Variants in PRR20G observed in about 807,000 individuals in gnomAD.
The protein encoded by PRR20G is proline-rich protein 20G.
chr3:127,284,877 A>G (rs1357892252), intron 2 of PRR20G, among the ~76,000 whole-genome samples: 1 of 152,202 alleles, frequency 6.6e-6, no homozygotes, highest in Non-Finnish European at 1.5e-5. Flanking sequence ...GTCAGATATT[A>G]TGATTGCCAT....
In PRR20G at chr3:127,283,961, G is replaced by A. The variant is rs538336006; in HGVS notation, c.*99C>T. On this transcript the variant is annotated 3_prime_UTR_variant, in exon 3 of 3. Coordinates refer to ENST00000465482, the MANE Select transcript of PRR20G (RefSeq NM_001362810.2). Reference sequence around the variant, plus strand: ...CAAAGTAAGGGCTCTGACTGGGATGGGCAGGGAGGAGTGGAGCAGAAATGG... The same window carrying A: ...CAAAGTAAGGGCTCTGACTGGGATGAGCAGGGAGGAGTGGAGCAGAAATGG... 2.7e-3 allele frequency: 410 copies of A among 152,488 alleles called. 1 individual carries two copies. The highest frequency in any genetic ancestry group is 4.7e-3 in the Non-Finnish European group (320 of 68,162). 9.4% of individuals were successfully genotyped at this position (152,488 alleles called of 1,614,324 possible).
chr3:127,287,205 T>C (rs1360014923), intron 2 of PRR20G, among the ~76,000 whole-genome samples, 109 bp downstream of exon 2: 3 of 152,218 alleles, frequency 2.0e-5, no homozygotes, highest in African/African-American at 7.2e-5. Context: ...CATGGGCTGC[T>C]GCATTTCATA....
intron 2 of PRR20G, among the ~76,000 whole-genome samples, 115 bp downstream of exon 2, chr3:127,287,199 G>GAGATGAGAAGGA (rs1356036914): frequency 2.0e-5 from 3 of 152,182 alleles, no homozygotes; most frequent in Non-Finnish European, 4.4e-5. Context: ...AAGGAGCATG[G>GAGATGAGAAGGA]GCTGCTGCAT....
chr3:127,284,947 A>G (rs2080380309), intron 2 of PRR20G, among the ~76,000 whole-genome samples: 1 of 152,216 alleles, frequency 6.6e-6, no homozygotes, highest in Non-Finnish European at 1.5e-5. Flanking sequence ...AATAAAAATG[A>G]CACACTGCCT....
At chr3:127,285,895 T>C (rs2080384765) in intron 2 of PRR20G, among the ~76,000 whole-genome samples, 1 of 152,062 alleles carries the variant, frequency 6.6e-6, no homozygotes, top group African/African-American at 2.4e-5. Flanking sequence ...CCCAGAGAGA[T>C]AGAAGGAATT....
intron 1 of PRR20G, among the ~76,000 whole-genome samples, 86 bp from the exon 2 acceptor site, chr3:127,287,458 C>T (rs2080392841): frequency 6.6e-6 from 1 of 152,124 alleles, no homozygotes; most frequent in Non-Finnish European, 1.5e-5. Flanking sequence ...GCGATGCGGA[C>T]CCCACCTCAC....
Position 127,284,578 on chromosome 3 carries a change from G to C in PRR20G, c.115C>G (p.Pro39Ala), listed in dbSNP as rs1293569514. 6.4e-6 allele frequency: 1 copy of C among 156,680 alleles called. No individual in the cohort carries two copies. Among genetic ancestry groups the C allele is most frequent in the East Asian group, 1.9e-4 (1 of 5,270 alleles). The allele number at this position is 156,680 out of a possible 1,614,324, so 9.7% of individuals were successfully genotyped here. ...GCAGTGGGTTTTGCCGGTTGGACTG[G>C]GTCTACAGGGTCTTCACGGTCCACA... Reference protein sequence around the residue: ...SGVDREDPVDPVQPAKPTAYV... With the variant: ...SGVDREDPVDAVQPAKPTAYV... Residue 39 changes from proline to alanine, a missense_variant, in exon 3 of 3, where the codon CCA (proline) becomes GCA (alanine). By Grantham distance (27) the Pro-to-Ala change is conservative. Transcript: ENST00000465482.
rs1265193795 is a variant in PRR20G at position 127,283,930 on chromosome 3, A to G, written c.*130T>C. Among the ~76,000 whole-genome samples, 1 of 152,168 alleles carries G rather than the reference A, an allele frequency of 6.6e-6. No individual in the cohort carries two copies. The highest frequency in any genetic ancestry group is 1.5e-5 in the Non-Finnish European group (1 of 68,026). Reference sequence around the variant, plus strand: ...TGGGAGGAGGACTTGGAGGCTCATGACAACACAAAGTAAGGGCTCTGACTG... The same window carrying G: ...TGGGAGGAGGACTTGGAGGCTCATGGCAACACAAAGTAAGGGCTCTGACTG... On this transcript the variant is annotated 3_prime_UTR_variant, in exon 3 of 3. Coordinates refer to ENST00000465482, the MANE Select transcript of PRR20G (RefSeq NM_001362810.2).
rs2080395885 is a variant in PRR20G, at chr3:127,288,009, C to G, written c.-138G>C. 6.6e-6 allele frequency among the ~76,000 whole-genome samples: 1 copy of G among 152,132 alleles called. No homozygotes were observed. The highest frequency in any genetic ancestry group is 2.4e-5 in the African/African-American group (1 of 41,430). ...CTACCAGGCAGGTAGGAGGGAGCAC[C>G]CAGCAGTCCTAGTTCGGAGCCCGGC... On this transcript the variant is annotated 5_prime_UTR_variant, in exon 1 of 3. Transcript: ENST00000465482.
chr3:127,286,274 T>C (rs2080386909), intron 2 of PRR20G, among the ~76,000 whole-genome samples: 1 of 152,146 alleles, frequency 6.6e-6, no homozygotes, highest in Non-Finnish European at 1.5e-5. Context: ...AGCAATTAAA[T>C]CTAGAAGATT....
rs2080395603 is a variant in PRR20G, at chr3:127,287,970, C to T, written c.-99G>A. On this transcript the variant is annotated 5_prime_UTR_variant, in exon 1 of 3. Coordinates refer to ENST00000465482, the MANE Select transcript of PRR20G (RefSeq NM_001362810.2). ...TCACGGCTATGGCTCCGACGTCGCC[C>T]TCAAATGCGCCCCCTACCAGGCAGG... Among the ~76,000 whole-genome samples the T allele has an allele frequency of 6.6e-6, 1 of 152,120 alleles. No individual in the cohort carries two copies. Among genetic ancestry groups the T allele is most frequent in the African/African-American group, 2.4e-5 (1 of 41,412 alleles).
At chr3:127,287,267 T>C (rs2080391976) in intron 2 of PRR20G, among the ~76,000 whole-genome samples, 47 bp downstream of exon 2, 1 of 152,078 alleles carries the variant, frequency 6.6e-6, no homozygotes, top group African/African-American at 2.4e-5. Flanking sequence ...AAAGGTAAAG[T>C]AAAAATCTGG....
In PRR20G at chr3:127,287,900, C is replaced by G. The variant is rs1047978994; in HGVS notation, c.-29G>C. Among the ~76,000 whole-genome samples the G allele has an allele frequency of 1.3e-5, 2 of 152,110 alleles. No homozygotes were observed. The highest frequency in any genetic ancestry group is 4.8e-5 in the African/African-American group (2 of 41,446). On this transcript the variant is annotated 5_prime_UTR_variant, in exon 1 of 3. Transcript: ENST00000465482. ...ACACCTGATCTCCCTGCAGCTGGCT[C>G]TCTTCTATGGGGAGAGGCCTGAGGA... is the stretch of plus-strand genomic sequence containing the variant.
intron 2 of PRR20G, among the ~76,000 whole-genome samples, chr3:127,286,382 G>A (rs934069840): frequency 1.3e-5 from 2 of 152,282 alleles, no homozygotes; most frequent in African/African-American, 4.8e-5. Flanking sequence ...GAAGATGTTT[G>A]CAGACAAGCA....
At chr3:127,287,525 C>T (rs1320785061) in intron 1 of PRR20G, among the ~76,000 whole-genome samples, 153 bp from the exon 2 acceptor site, 2 of 152,146 alleles carry the variant, frequency 1.3e-5, no homozygotes, top group East Asian at 3.9e-4. Context: ...ACTGAGCCCG[C>T]GGGGCGCAGC....
chr3:127,286,829 G>A (rs1210378238), intron 2 of PRR20G, among the ~76,000 whole-genome samples: 2 of 152,190 alleles, frequency 1.3e-5, no homozygotes, highest in Non-Finnish European at 2.9e-5. Flanking sequence ...GGGAAGAATT[G>A]AGGGATAGAC....
At position 127,288,024 on chromosome 3, in the gene PRR20G, C is replaced by G. The variant is rs1227357713; in HGVS notation, c.-153G>C. Reference sequence around the variant, plus strand: ...GAGGGAGCACCCAGCAGTCCTAGTTCGGAGCCCGGCAGAAAGCTGACTGCT... The same window carrying G: ...GAGGGAGCACCCAGCAGTCCTAGTTGGGAGCCCGGCAGAAAGCTGACTGCT... On this transcript the variant is annotated 5_prime_UTR_variant, in exon 1 of 3. Transcript: ENST00000465482. 6.6e-6 allele frequency among the ~76,000 whole-genome samples: 1 copy of G among 152,132 alleles called. No homozygotes were observed. The highest frequency in any genetic ancestry group is 6.5e-5 in the Admixed American group (1 of 15,282).
chr3:127,285,562 A>G (rs2080383036), intron 2 of PRR20G, among the ~76,000 whole-genome samples: 1 of 152,340 alleles, frequency 6.6e-6, no homozygotes, highest in African/African-American at 2.4e-5. Flanking sequence ...TAGGCATTGA[A>G]GATCATCTGA....
chr3:127,286,519 C>T (rs1416760399), intron 2 of PRR20G, among the ~76,000 whole-genome samples: 1 of 152,196 alleles, frequency 6.6e-6, no homozygotes, highest in Non-Finnish European at 1.5e-5. Flanking sequence ...CAATGGCCAT[C>T]AAATTCCAAT....
Sources: gnomAD v4.1 joint callset for allele counts (sites outside exome capture counted in the v4.1 genomes callset) on GRCh38, gnomAD v4.1.1 for gene constraint, MANE v1.5 for transcripts, NCBI Gene and HGNC (gene_info 2026-07-23, HGNC 2026-07-21) for gene names.